MTO1: variants seen among roughly 807,000 people sequenced by gnomAD.
The protein encoded by MTO1 is mitochondrial tRNA translation optimization 1.
MTO1 carries 46 observed loss-of-function variants against 71.6 expected under a neutral mutation model. The ratio of observed to expected loss-of-function variants is 0.64; its 90% CI spans 0.51 to 0.82. The LOEUF is 0.82. Ranked by LOEUF, MTO1 falls within the 40% of genes least tolerant of loss-of-function variation. The pLI is 0.00. For synonymous variants in MTO1, 297 were observed against 312.1 expected (o/e 0.95, Z 0.51); for missense variants, 773 against 867.5 (o/e 0.89, Z 1.37).
chr6:73,495,678 C>G (rs151048948), intron 10 of MTO1, among the ~76,000 whole-genome samples: 4 of 151,910 alleles, frequency 2.6e-5, no homozygotes, highest in Non-Finnish European at 4.4e-5. Flanking sequence ...GTGTGAGATT[C>G]TTCTTTGTAT....
chr6:73,467,643 A>AAATAAATAAATAAATG (rs1554147816), intron 3 of MTO1, among the ~76,000 whole-genome samples: 1 of 150,304 alleles, frequency 6.7e-6, no homozygotes, highest in African/African-American at 2.4e-5. Context: ...ATAAATAAAT[A>AAATAAATAAATAAATG]TAAAAGAAAT....
At chr6:73,464,206 G>C (rs1221780427) in intron 1 of MTO1, 2 of 152,102 alleles carry the variant, frequency 1.3e-5, no homozygotes, top group African/African-American at 4.8e-5. Flanking sequence ...AAAGACCTAG[G>C]CCAGGGGTGA....
At chr6:73,462,317 T>G in intron 1 of MTO1, 1 of 565,130 alleles carries the variant, frequency 1.8e-6, no homozygotes, top group Non-Finnish European at 3.1e-6. Context: ...GAGGTTGGGG[T>G]TCGGGGTCAG....
In MTO1 at chr6:73,504,783, G is replaced by A. The variant is rs1278268282; in HGVS notation, c.*4048G>A. On this transcript the variant is annotated 3_prime_UTR_variant, in exon 12 of 12. Coordinates refer to ENST00000498286, the MANE Select transcript of MTO1 (RefSeq NM_012123.4). ...GTACCTGTTGTTCCAGCAACTTGGG[G>A]GCTGAGGCAGGAGAATCACTTGAGC... is the stretch of plus-strand genomic sequence containing the variant. 3 of 152,096 alleles carry A rather than the reference G, an allele frequency of 2.0e-5. No homozygotes were observed. The highest frequency in any genetic ancestry group is 6.6e-5 in the Admixed American group (1 of 15,250). 9.4% of individuals were successfully genotyped at this position (152,096 alleles called of 1,614,324 possible). A position where few individuals can be genotyped will look rare whatever the true frequency, so the allele number is the denominator to read the frequency against.
chr6:73,474,315 C>T (rs1335060459), intron 4 of MTO1, among the ~76,000 whole-genome samples: 1 of 151,998 alleles, frequency 6.6e-6, no homozygotes, highest in Non-Finnish European at 1.5e-5. Context: ...GAACTCCTGA[C>T]CTCGTGATCC....
At chr6:73,498,168 A>G (rs1772049407) in intron 11 of MTO1, among the ~76,000 whole-genome samples, 1 of 151,986 alleles carries the variant, frequency 6.6e-6, no homozygotes, top group African/African-American at 2.4e-5. Flanking sequence ...CCATGATTGC[A>G]CGACTGCACT....
rs1455629422 is a variant in MTO1 at position 73,506,440 on chromosome 6, G to C, written c.*5705G>C. On this transcript the variant is annotated 3_prime_UTR_variant, in exon 12 of 12. Transcript: ENST00000498286. ...GTTTTTACCATGCTTTCTTGTGATA[G>C]TGAATAAGTCTCACAAGATCTGATG... 6.6e-6 allele frequency: 1 copy of C among 152,542 alleles called. No individual in the cohort carries two copies. Among genetic ancestry groups the C allele is most frequent in the Non-Finnish European group, 1.5e-5 (1 of 68,352 alleles). 9.4% of individuals were successfully genotyped at this position (152,542 alleles called of 1,614,324 possible).
At chr6:73,497,671 T>C (rs1772025972) in intron 10 of MTO1, 65 bp from the exon 11 acceptor site, 1 of 1,484,794 alleles carries the variant, frequency 6.7e-7, no homozygotes, top group Non-Finnish European at 9.2e-7. Context: ...AGAGGCTACA[T>C]AAATGTAAGT....
intron 9 of MTO1, among the ~76,000 whole-genome samples, chr6:73,484,873 C>G (rs367564884): frequency 6.6e-6 from 1 of 151,732 alleles, no homozygotes; most frequent in African/African-American, 2.4e-5. Context: ...ATGGCAAAAC[C>G]CTGTCTCTAC....
intron 10 of MTO1, among the ~76,000 whole-genome samples, chr6:73,497,267 C>T (rs1232046274): frequency 6.8e-6 from 1 of 146,726 alleles, no homozygotes; most frequent in Non-Finnish European, 1.5e-5. Context: ...ATTCTCCTGT[C>T]TCAGCCTCCC....
rs376010890 is a variant in MTO1, at chr6:73,483,838, G to T, written c.1637+1218G>T. Reference sequence around the variant, plus strand: ...GTCTCACTCTGTCAGGAGTGCAATGGCATGATCTCGGCTCACTGCAACCTC... The same window carrying T: ...GTCTCACTCTGTCAGGAGTGCAATGTCATGATCTCGGCTCACTGCAACCTC... On this transcript the variant is annotated intron_variant, in intron 9 of 11. Transcript: ENST00000498286. Among the ~76,000 whole-genome samples the T allele has an allele frequency of 4.0e-5, 6 of 148,552 alleles. No homozygotes were observed. In the East Asian group the frequency reaches 6.0e-4, roughly 15 times the overall value.
intron 1 of MTO1, among the ~76,000 whole-genome samples, chr6:73,464,708 G>A (rs962119384): frequency 1.3e-4 from 20 of 151,428 alleles, no homozygotes; most frequent in African/African-American, 4.1e-4. Flanking sequence ...GGTGGCGTAT[G>A]CCTGTAATCC....
chr6:73,478,426 AT>A (rs760773276), intron 4 of MTO1, among the ~76,000 whole-genome samples: 1 of 152,016 alleles, frequency 6.6e-6, no homozygotes, highest in Non-Finnish European at 1.5e-5. Flanking sequence ...CAAAAAAAAA[AT>A]AATTGATGGT....
chr6:73,475,764 G>C (rs147292657), intron 4 of MTO1, among the ~76,000 whole-genome samples: 1 of 151,758 alleles, frequency 6.6e-6, no homozygotes, highest in East Asian at 2.0e-4. Context: ...CGCCCGCCTC[G>C]GCCTCCCAAA....
At chr6:73,474,591 A>G (rs1475137853) in intron 4 of MTO1, among the ~76,000 whole-genome samples, 1 of 149,164 alleles carries the variant, frequency 6.7e-6, no homozygotes, top group African/African-American at 2.5e-5. Context: ...TGGGATTGCA[A>G]GCACCCGCCA....
At chr6:73,488,280 C>G in intron 9 of MTO1, among the ~76,000 whole-genome samples, 1 of 151,932 alleles carries the variant, frequency 6.6e-6, no homozygotes, top group East Asian at 1.9e-4. Flanking sequence ...CTCAGGTGAT[C>G]CTCCCACCTC....
intron 1 of MTO1, among the ~76,000 whole-genome samples, chr6:73,465,614 C>A (rs930872357): frequency 6.6e-6 from 1 of 152,090 alleles, no homozygotes; most frequent in African/African-American, 2.4e-5. Context: ...AGAAAGGTTT[C>A]ATGGGGTAAG....
intron 10 of MTO1, among the ~76,000 whole-genome samples, chr6:73,492,994 A>ATT (rs1244002273): frequency 3.0e-5 from 2 of 66,588 alleles, no homozygotes; most frequent in African/African-American, 6.6e-5. Context: ...GTGTGTGTGT[A>ATT]TTTTTTTTTT....
intron 9 of MTO1, 61 bp from the exon 10 acceptor site, chr6:73,492,172 GT>G (rs1771828092): frequency 1.0e-6 from 1 of 991,072 alleles, no homozygotes; most frequent in African/African-American, 1.6e-5. Flanking sequence ...AAAGAATCTT[GT>G]TCTTGATCTG....
Sources: gnomAD v4.1 joint callset for allele counts (sites outside exome capture counted in the v4.1 genomes callset) on GRCh38, gnomAD v4.1.1 for gene constraint, MANE v1.5 for transcripts, NCBI Gene and HGNC (gene_info 2026-07-23, HGNC 2026-07-21) for gene names.